The following VPS13B variants were observed in gnomAD, a reference collection of about 807,000 sequenced individuals.
VPS13B encodes intermembrane lipid transfer protein VPS13B.
A neutral mutation model predicts 426.4 loss-of-function variants in VPS13B; 285 were observed. The ratio of observed to expected loss-of-function variants is 0.67; its 90% CI spans 0.61 to 0.74. The LOEUF (loss-of-function observed/expected upper bound fraction) is 0.74, where lower values mean the gene tolerates loss of function less well. VPS13B is among the 30% of genes least tolerant of loss of function. VPS13B has a pLI of 0.00. For synonymous variants in VPS13B, 1,676 were observed against 1,676.4 expected (o/e 1.00, Z 0.01); for missense variants, 4,537 against 4,782.6 (o/e 0.95, Z 1.51).
At chr8:99,234,685 AAAT>A (rs1816544570) in intron 17 of VPS13B, among the ~76,000 whole-genome samples, 1 of 152,240 alleles carries the variant, frequency 6.6e-6, no homozygotes, top group Non-Finnish European at 1.5e-5. Flanking sequence ...ATTTAAATAA[AAAT>A]AAGACATTAA....
chr8:99,538,993 A>G (rs1823409008), intron 30 of VPS13B, among the ~76,000 whole-genome samples: 1 of 152,206 alleles, frequency 6.6e-6, no homozygotes, highest in African/African-American at 2.4e-5. Context: ...TTATGTCCTC[A>G]GTGTAGCAAT....
intron 30 of VPS13B, among the ~76,000 whole-genome samples, chr8:99,530,106 A>G (rs1169612903): frequency 1.3e-5 from 2 of 152,172 alleles, no homozygotes. Flanking sequence ...GGGGGTTTGT[A>G]TCCTTTAAAA....
intron 5 of VPS13B, among the ~76,000 whole-genome samples, chr8:99,105,663 G>C (rs1318859835): frequency 6.6e-6 from 1 of 152,218 alleles, no homozygotes; most frequent in African/African-American, 2.4e-5. Context: ...ACAGGCATGA[G>C]CCACTGTGCC....
intron 25 of VPS13B, among the ~76,000 whole-genome samples, chr8:99,496,594 T>G (rs1185704732): frequency 4.6e-5 from 7 of 151,896 alleles, no homozygotes; most frequent in Admixed American, 1.3e-4. Context: ...GAGCTTGCAG[T>G]GAGCCAAGAT....
chr8:99,581,545 A>G (rs575622611), intron 33 of VPS13B, among the ~76,000 whole-genome samples: 39 of 152,152 alleles, frequency 2.6e-4, no homozygotes, highest in East Asian at 7.7e-4. Flanking sequence ...CCCTTCAAGT[A>G]CTATAATTTC....
intron 43 of VPS13B, among the ~76,000 whole-genome samples, chr8:99,796,405 C>T (rs1812816327): frequency 6.6e-6 from 1 of 150,716 alleles, no homozygotes; most frequent in South Asian, 2.1e-4. Context: ...GTTTAAGGAA[C>T]AATTTTAAAT....
At chr8:99,444,107 T>A (rs1817803221) in intron 23 of VPS13B, among the ~76,000 whole-genome samples, 1 of 152,104 alleles carries the variant, frequency 6.6e-6, no homozygotes, top group Non-Finnish European at 1.5e-5. Context: ...TTCTTTTTTT[T>A]CTTTTTTTTG....
intron 31 of VPS13B, among the ~76,000 whole-genome samples, chr8:99,573,637 C>G (rs941155619): frequency 3.3e-5 from 5 of 152,154 alleles, no homozygotes; most frequent in African/African-American, 1.2e-4. Flanking sequence ...TCTGAGGGCT[C>G]TGTTCTGTTC....
chr8:99,077,581 C>T (rs754135658), intron 3 of VPS13B, among the ~76,000 whole-genome samples: 10 of 152,032 alleles, frequency 6.6e-5, no homozygotes, highest in Admixed American at 3.9e-4. Flanking sequence ...CTTAAGGTTT[C>T]TGCTTAGAAT....
At chr8:99,387,478 C>G (rs891909634) in intron 20 of VPS13B, among the ~76,000 whole-genome samples, 2 of 152,128 alleles carry the variant, frequency 1.3e-5, no homozygotes, top group Admixed American at 6.5e-5. Context: ...CCACCTAAGC[C>G]TCCCAAAGTG....
intron 43 of VPS13B, among the ~76,000 whole-genome samples, chr8:99,795,484 A>G (rs2130741148): frequency 6.6e-6 from 1 of 152,322 alleles, no homozygotes; most frequent in South Asian, 2.1e-4. Context: ...TTGTTACAGT[A>G]GTATCCCATT....
intron 3 of VPS13B, among the ~76,000 whole-genome samples, chr8:99,043,623 C>T (rs1290803762): frequency 1.3e-5 from 2 of 152,096 alleles, no homozygotes; most frequent in Non-Finnish European, 2.9e-5. Context: ...TGATAGCTAT[C>T]ATCCATTGAT....
intron 30 of VPS13B, among the ~76,000 whole-genome samples, chr8:99,547,461 G>C (rs1401681877): frequency 1.3e-5 from 2 of 151,764 alleles, no homozygotes; most frequent in Non-Finnish European, 2.9e-5. Context: ...TTAACATTTT[G>C]TGGATCTCAA....
chr8:99,699,954 G>C, intron 36 of VPS13B, 22 bp downstream of exon 36: 1 of 1,612,074 alleles, frequency 6.2e-7, no homozygotes, highest in Non-Finnish European at 8.5e-7. Context: ...AAAAGGGGAG[G>C]GGGGAGACAG....
chr8:99,463,346 T>A (rs1321455381), intron 23 of VPS13B, among the ~76,000 whole-genome samples: 1 of 152,210 alleles, frequency 6.6e-6, no homozygotes, highest in Non-Finnish European at 1.5e-5. Context: ...CTTTCAGAAG[T>A]AAATAATAGT....
intron 3 of VPS13B, among the ~76,000 whole-genome samples, chr8:99,054,919 C>T (rs1386172792): frequency 6.6e-6 from 1 of 152,042 alleles, no homozygotes; most frequent in Non-Finnish European, 1.5e-5. Flanking sequence ...TTTCTGGACT[C>T]AGCATTTTAT....
At chr8:99,872,268 A>G (rs534858435) in intron 61 of VPS13B, among the ~76,000 whole-genome samples, 2 of 152,196 alleles carry the variant, frequency 1.3e-5, no homozygotes, top group Non-Finnish European at 2.9e-5. Context: ...CTACCCCCAA[A>G]CCTGGAGACT....
At chr8:99,043,154 T>C (rs867742555) in intron 3 of VPS13B, among the ~76,000 whole-genome samples, 2 of 152,108 alleles carry the variant, frequency 1.3e-5, no homozygotes, top group African/African-American at 4.8e-5. Context: ...TTTTGTTTTT[T>C]GTTTTTTTTA....
At chr8:99,618,383 A>G (rs549950797) in intron 33 of VPS13B, among the ~76,000 whole-genome samples, 1 of 152,326 alleles carries the variant, frequency 6.6e-6, no homozygotes, top group Non-Finnish European at 1.5e-5. Flanking sequence ...TGACAAAGGT[A>G]ATCAAGTAAA....
Sources: allele counts gnomAD v4.1 joint callset (sites outside exome capture counted in the v4.1 genomes callset), GRCh38; gene constraint gnomAD v4.1.1; transcripts MANE v1.5; gene names NCBI Gene and HGNC (gene_info 2026-07-23, HGNC 2026-07-21).